Variants in PARD3B observed in about 807,000 individuals in gnomAD.
PARD3B encodes the protein partitioning defective 3 homolog B.
Under a neutral mutation model 130.2 loss-of-function variants are expected in PARD3B, and 103 were observed. That is an observed-to-expected ratio of 0.79 (90% CI 0.67 to 0.93). The LOEUF (loss-of-function observed/expected upper bound fraction) is 0.93. Among genes scored for constraint, PARD3B ranks in the 40% least tolerant of loss-of-function variants. The probability of loss-of-function intolerance (pLI) is 0.00; values close to 1 mark genes in which losing one functional copy is unlikely to be tolerated. For synonymous variants in PARD3B, 583 were observed against 553.2 expected, an observed-to-expected ratio of 1.05 and a Z score of -0.76; for missense variants, 1,609 against 1,499.2, an observed-to-expected ratio of 1.07 and a Z score of -1.21.
intron 2 of PARD3B, among the ~76,000 whole-genome samples, chr2:204,897,027 T>A (rs2046663391): frequency 6.6e-6 from 1 of 152,246 alleles, no homozygotes; most frequent in Non-Finnish European, 1.5e-5. Context: ...TGTGTGCTAT[T>A]CTTATTGACT....
At chr2:204,779,061 G>C (rs573225062) in intron 2 of PARD3B, among the ~76,000 whole-genome samples, 3 of 152,172 alleles carry the variant, frequency 2.0e-5, no homozygotes, top group African/African-American at 7.2e-5. Context: ...GATCTTTTCA[G>C]ACTTGCAACA....
intron 4 of PARD3B, among the ~76,000 whole-genome samples, chr2:205,063,157 A>C (rs1700157863): frequency 1.3e-5 from 2 of 152,022 alleles, no homozygotes; most frequent in East Asian, 3.9e-4. Context: ...AAAATTTGGA[A>C]TTTTATCACT....
chr2:205,101,857 G>A (rs1702809567), intron 4 of PARD3B, among the ~76,000 whole-genome samples: 1 of 152,198 alleles, frequency 6.6e-6, no homozygotes, highest in Non-Finnish European at 1.5e-5. Context: ...GATTGACAGG[G>A]CCTGTTGGGG....
At chr2:204,641,574 T>G (rs1195313039) in intron 1 of PARD3B, among the ~76,000 whole-genome samples, 3 of 152,178 alleles carry the variant, frequency 2.0e-5, no homozygotes, top group Admixed American at 6.6e-5. Context: ...AGTCCTTTCT[T>G]GAGGGGAAGC....
chr2:205,032,686 G>T (rs1237559017), intron 3 of PARD3B, among the ~76,000 whole-genome samples: 1 of 152,094 alleles, frequency 6.6e-6, no homozygotes, highest in Non-Finnish European at 1.5e-5. Context: ...GGCCTGAGTG[G>T]CCCTTTCCTG....
intron 2 of PARD3B, among the ~76,000 whole-genome samples, chr2:204,874,716 A>G (rs966655572): frequency 2.6e-5 from 4 of 152,126 alleles, no homozygotes; most frequent in Non-Finnish European, 5.9e-5. Flanking sequence ...TATTTCACTA[A>G]GTTGCCATGT....
intron 3 of PARD3B, among the ~76,000 whole-genome samples, chr2:205,006,762 T>G (rs1281945233): frequency 6.6e-6 from 1 of 152,212 alleles, no homozygotes; most frequent in Non-Finnish European, 1.5e-5. Context: ...CTCCATGGGT[T>G]GTCTGTTTAC....
chr2:204,678,749 G>T lies in PARD3B; in HGVS notation c.121-7432G>T, dbSNP rs2036678541. ...TAGGAGCACGAGATACGGAGGCTGG[G>T]TGGGCCAAAAAGTAGCATTTGAGCT... On this transcript the variant is annotated intron_variant, in intron 1 of 22. Coordinates refer to ENST00000406610, the MANE Select transcript of PARD3B (RefSeq NM_001302769.2). This position sits in a 1 kb window ranked among gnomAD's most constrained non-coding sequence, Gnocchi z 4.2. Among the ~76,000 whole-genome samples, 1 of 152,086 alleles carries T rather than the reference G, an allele frequency of 6.6e-6. No homozygotes were observed. The highest frequency in any genetic ancestry group is 1.5e-5 in the Non-Finnish European group (1 of 68,026).
intron 2 of PARD3B, among the ~76,000 whole-genome samples, chr2:204,861,666 G>A (rs750217084): frequency 2.0e-4 from 31 of 151,930 alleles, no homozygotes; most frequent in Non-Finnish European, 3.8e-4. Flanking sequence ...TTGGCTTTTG[G>A]ACTCTTACCT....
chr2:204,765,115 A>G (rs181954336), intron 2 of PARD3B, among the ~76,000 whole-genome samples: 41 of 152,206 alleles, frequency 2.7e-4, no homozygotes, highest in African/African-American at 9.9e-4. Flanking sequence ...ACTACCTTGC[A>G]ATATTTAGCT....
intron 15 of PARD3B, among the ~76,000 whole-genome samples, chr2:205,234,267 C>T (rs2038967855): frequency 6.6e-6 from 1 of 152,154 alleles, no homozygotes; most frequent in Admixed American, 6.5e-5. Flanking sequence ...CTACAGTGAG[C>T]TGTGATCATG....
chr2:205,516,332 C>A (rs2050791657), intron 21 of PARD3B, among the ~76,000 whole-genome samples: 1 of 151,782 alleles, frequency 6.6e-6, no homozygotes, highest in Non-Finnish European at 1.5e-5. Context: ...CCATATGGAT[C>A]TGTAAATTGC....
At chr2:205,037,031 G>A (rs921043854) in intron 3 of PARD3B, among the ~76,000 whole-genome samples, 12 of 147,046 alleles carry the variant, frequency 8.2e-5, no homozygotes, top group South Asian at 4.3e-4. Context: ...CATATATAGC[G>A]GACTGTATAC....
chr2:205,534,907 G>C (rs1325979625), intron 21 of PARD3B, among the ~76,000 whole-genome samples: 1 of 152,194 alleles, frequency 6.6e-6, no homozygotes, highest in Non-Finnish European at 1.5e-5. Context: ...CCTAGCTCTA[G>C]AGAGTGATTT....
chr2:205,469,181 G>T (rs1361390774), intron 20 of PARD3B, among the ~76,000 whole-genome samples: 1 of 152,042 alleles, frequency 6.6e-6, no homozygotes, highest in African/African-American at 2.4e-5. Flanking sequence ...AAAGCATTGG[G>T]TAGTCAATAA....
intron 1 of PARD3B, among the ~76,000 whole-genome samples, chr2:204,565,240 A>G (rs918414085): frequency 2.0e-5 from 3 of 152,214 alleles, no homozygotes; most frequent in African/African-American, 7.2e-5. Context: ...TCCAGCCAGC[A>G]AGGAGTCTCT....
At chr2:205,043,857 C>T (rs1698556497) in intron 3 of PARD3B, among the ~76,000 whole-genome samples, 1 of 151,592 alleles carries the variant, frequency 6.6e-6, no homozygotes, top group Non-Finnish European at 1.5e-5. Flanking sequence ...GCACAATGTG[C>T]AGGTTAGTTA....
intron 3 of PARD3B, 44 bp downstream of exon 3, chr2:204,965,367 C>T: frequency 6.4e-7 from 1 of 1,569,838 alleles, no homozygotes. Flanking sequence ...GACTGAAGAT[C>T]CGTCATCTTG....
intron 1 of PARD3B, among the ~76,000 whole-genome samples, chr2:204,621,612 G>A (rs971505539): frequency 1.3e-5 from 2 of 152,032 alleles, no homozygotes; most frequent in African/African-American, 4.8e-5. Flanking sequence ...TATAAATAAA[G>A]CGGTATATTT....
Sources: allele counts gnomAD v4.1 joint callset (sites outside exome capture counted in the v4.1 genomes callset), GRCh38; gene constraint gnomAD v4.1.1; non-coding constraint Gnocchi (gnomAD v3.1); transcripts MANE v1.5; gene names NCBI Gene and HGNC (gene_info 2026-07-23, HGNC 2026-07-21).